The following C8B variants were observed in gnomAD, a reference collection of about 807,000 sequenced individuals.
C8B encodes complement component C8 beta chain.
In C8B, 67 loss-of-function variants were observed where a neutral mutation model predicts 64.6. The observed-to-expected ratio is 1.04, with a 90% CI of 0.85 to 1.27. The LOEUF (loss-of-function observed/expected upper bound fraction) is 1.27. Among genes scored for constraint, C8B ranks in the 50% most tolerant of loss-of-function variants. The probability of loss-of-function intolerance (pLI) is 0.00; values close to 1 mark genes in which losing one functional copy is unlikely to be tolerated. For missense variants in C8B, 790 were observed against 725.2 expected (o/e 1.09, Z -1.03); for synonymous variants, 284 against 257.7 (o/e 1.10, Z -0.98).
chr1:56,955,434 T>C (rs571549220), intron 3 of C8B, among the ~76,000 whole-genome samples: 4 of 152,226 alleles, frequency 2.6e-5, no homozygotes, highest in Non-Finnish European at 5.9e-5. Context: ...ATTATTTGCA[T>C]CCCTTTTGCT....
At chr1:56,950,926 A>G (rs1645011588) in intron 5 of C8B, among the ~76,000 whole-genome samples, 1 of 152,144 alleles carries the variant, frequency 6.6e-6, no homozygotes. Flanking sequence ...GTTGCTGTGA[A>G]ATCCTCCCTT....
Position 56,949,721 on chromosome 1 carries a change from T to A in C8B, c.698A>T (p.Glu233Val). Residue 233 changes from glutamate (E) to valine (V), a missense_variant, in exon 6 of 12, where the codon GAG becomes GTG. Coordinates refer to ENST00000371237, the MANE Select transcript of C8B (RefSeq NM_000066.4). ...TTCAAAATCTGAGTATGATTCATAC[T>A]CTTTTAATATGAATTCGTATTTGCC... Reference protein sequence around the residue: ...TQGKYEFILKEYESYSDFERN... With the variant: ...TQGKYEFILKVYESYSDFERN... The A allele has an allele frequency of 6.2e-7, 1 of 1,613,706 alleles. No homozygotes were observed. The highest frequency in any genetic ancestry group is 8.5e-7 in the Non-Finnish European group (1 of 1,179,792).
intron 2 of C8B, chr1:56,959,547 G>T (rs890946942): frequency 1.7e-5 from 26 of 1,524,736 alleles, no homozygotes; most frequent in Admixed American, 1.6e-4. Flanking sequence ...GCAGCATGAA[G>T]AAACGCCCAG....
At chr1:56,962,393 AG>A (rs1306172825) in intron 1 of C8B, among the ~76,000 whole-genome samples, 6 of 152,242 alleles carry the variant, frequency 3.9e-5, no homozygotes, top group Admixed American at 2.6e-4. Context: ...AGGATTAAAC[AG>A]CATCTTTAGT....
chr1:56,962,797 C>T (rs1645196762), intron 1 of C8B, among the ~76,000 whole-genome samples: 1 of 152,198 alleles, frequency 6.6e-6, no homozygotes, highest in South Asian at 2.1e-4. Flanking sequence ...TCCTTCCAGT[C>T]TCTTTTAGAT....
At chr1:56,950,006 G>A (rs1284382894) in intron 5 of C8B, among the ~76,000 whole-genome samples, 3 of 152,176 alleles carry the variant, frequency 2.0e-5, no homozygotes, top group African/African-American at 7.2e-5. Context: ...AAAAATGCAG[G>A]GGAACATTCT....
chr1:56,940,781 G>T, intron 9 of C8B, 68 bp downstream of exon 9: 3 of 1,577,888 alleles, frequency 1.9e-6, no homozygotes, highest in Non-Finnish European at 2.6e-6. Context: ...TTATACCTTG[G>T]CTCATGGTAG....
chr1:56,950,318 G>C (rs1272242140), intron 5 of C8B, among the ~76,000 whole-genome samples: 2 of 152,182 alleles, frequency 1.3e-5, no homozygotes, highest in Admixed American at 6.5e-5. Flanking sequence ...AACCCATGAG[G>C]AGGCTGTAAG....
In C8B at chr1:56,933,421, A is replaced by C. The variant is rs2101357545; in HGVS notation, c.1466T>G (p.Met489Arg). 1 of 1,613,688 alleles carries C rather than the reference A, an allele frequency of 6.2e-7. No individual in the cohort carries two copies. The highest frequency in any genetic ancestry group is 8.5e-7 in the Non-Finnish European group (1 of 1,179,624). ...CTGGAACTCCTCCAGTGCCTGCTTC[A>C]TGTTCTGCCTCACTGTGCTGGAATA... ...FAYSSTVRQN[M>R]KQALEEFQKE... The change falls in exon 10 of 12, where the codon ATG becomes AGG. Residue 489 changes from methionine to arginine, a missense_variant. Coordinates refer to ENST00000371237, the MANE Select transcript of C8B (RefSeq NM_000066.4).
At chr1:56,930,888 C>A (rs1374221110) in intron 11 of C8B, among the ~76,000 whole-genome samples, 1 of 152,076 alleles carries the variant, frequency 6.6e-6, no homozygotes, top group Non-Finnish European at 1.5e-5. Flanking sequence ...TGCCTCCTTA[C>A]AAAGTCAAGA....
chr1:56,960,127 C>T lies in C8B; in HGVS notation c.142G>A (p.Ala48Thr), dbSNP rs1645156613. Residue 48 changes from alanine to threonine, a missense_variant, in exon 2 of 12, where the codon GCT (alanine) becomes ACT (threonine). Coordinates refer to ENST00000371237, the MANE Select transcript of C8B (RefSeq NM_000066.4). ...ACACTCCGCATCTGTCTGCTCTTAGCAAAGCTCTTGTTGACTGCATTTGAC... is the reference window on the plus strand; with the variant it reads ...ACACTCCGCATCTGTCTGCTCTTAGTAAAGCTCTTGTTGACTGCATTTGAC... ...FGSNAVNKSF[A>T]KSRQMRSVDV... is the part of the protein sequence containing the mutation. The T allele has an allele frequency of 6.2e-7, 1 of 1,614,050 alleles. No individual in the cohort carries two copies. The highest frequency in any genetic ancestry group is 1.3e-5 in the African/African-American group (1 of 74,930).
intron 6 of C8B, among the ~76,000 whole-genome samples, chr1:56,948,039 A>G (rs149212188): frequency 6.6e-6 from 1 of 152,216 alleles, no homozygotes; most frequent in Non-Finnish European, 1.5e-5. Context: ...GAAGGCCAGA[A>G]TATTATCCTA....
chr1:56,962,940 A>C, intron 1 of C8B, among the ~76,000 whole-genome samples: 1 of 152,196 alleles, frequency 6.6e-6, no homozygotes, highest in East Asian at 1.9e-4. Flanking sequence ...TCATAAAGAG[A>C]TCTAGTTCAT....
chr1:56,938,537 T>C (rs1184351510), intron 9 of C8B, among the ~76,000 whole-genome samples: 4 of 152,248 alleles, frequency 2.6e-5, no homozygotes, highest in African/African-American at 7.2e-5. Context: ...AGCATGAACA[T>C]AATTTCAATC....
intron 6 of C8B, among the ~76,000 whole-genome samples, chr1:56,947,175 G>T (rs597181): frequency 0.34 from 51,213 of 152,010 alleles, 8,847 homozygotes; most frequent in South Asian, 0.55. Flanking sequence ...ATTGTATTAT[G>T]ACCATGCTCC....
intron 5 of C8B, 86 bp from the exon 6 acceptor site, chr1:56,949,838 C>T (rs952231720): frequency 1.2e-5 from 11 of 912,544 alleles, no homozygotes; most frequent in Non-Finnish European, 1.7e-5. Context: ...TCTACTCCTA[C>T]CATGTGCTGG....
At position 56,954,544 on chromosome 1, in the gene C8B, G is replaced by A. The variant is rs180855023; in HGVS notation, c.533+142C>T. ...TTGGAACTGCCCTCAGAGAGCAACC[G>A]GAAGTGTTACTTACAATACAGTCTT... On this transcript the variant is annotated intron_variant, in intron 4 of 11. Coordinates refer to ENST00000371237, the MANE Select transcript of C8B (RefSeq NM_000066.4). 329 of 1,141,318 alleles carry A rather than the reference G, an allele frequency of 2.9e-4. No homozygotes were observed. In the African/African-American group the frequency reaches 3.8e-3, roughly 13 times the overall value. 70.7% of individuals were successfully genotyped at this position (1,141,318 alleles called of 1,614,324 possible).
intron 4 of C8B, among the ~76,000 whole-genome samples, chr1:56,954,063 A>G (rs998745953): frequency 1.3e-5 from 2 of 152,102 alleles, no homozygotes; most frequent in African/African-American, 4.8e-5. Flanking sequence ...CCTAAAGCAT[A>G]TGAGGGGAAG....
Position 56,949,744 on chromosome 1 carries a change from G to A in C8B, c.675C>T (p.Gly225=). Residue 225 remains glycine, a synonymous_variant, in exon 6 of 12, where the codon GGC becomes GGT. Coordinates refer to ENST00000371237, the MANE Select transcript of C8B (RefSeq NM_000066.4). ...NVESYTPQTQ[G]KYEFILKEYE... ...ACTCTTTTAATATGAATTCGTATTT[G>A]CCTTGGGTCTAAAGAAGAAAAAAGA... 6.2e-7 allele frequency: 1 copy of A among 1,611,318 alleles called. No homozygotes were observed. The highest frequency in any genetic ancestry group is 8.5e-7 in the Non-Finnish European group (1 of 1,178,100).
Sources: allele counts gnomAD v4.1 joint callset (sites outside exome capture counted in the v4.1 genomes callset), GRCh38; gene constraint gnomAD v4.1.1; transcripts MANE v1.5; gene names NCBI Gene and HGNC (gene_info 2026-07-23, HGNC 2026-07-21).